Variants in MDM4 observed in about 807,000 individuals in gnomAD.
The protein encoded by MDM4 is protein Mdm4.
MDM4 carries 2 observed loss-of-function variants against 60.2 expected under a neutral mutation model. The ratio of observed to expected loss-of-function variants is 0.03; its 90% CI spans 0.01 to 0.10. MDM4 has a LOEUF of 0.10. Ranked by LOEUF, MDM4 falls within the 10% of genes least tolerant of loss-of-function variation. MDM4 has a pLI of 1.00. For missense variants in MDM4, 447 were observed against 577.5 expected (o/e 0.77, Z 2.32); for synonymous variants, 202 against 198.1 (o/e 1.02, Z -0.17).
rs1158319406 is a variant in MDM4 at position 204,542,956 on chromosome 1, A to G, written c.672+12A>G. On this transcript the variant is annotated intron_variant, in intron 8 of 10. Coordinates refer to ENST00000367182, the MANE Select transcript of MDM4 (RefSeq NM_002393.5). ...TACAGACAAATCAGGTAAATTTCAC[A>G]TTTGAAGGGAAGTGGTTTTTTTTCT... is the stretch of plus-strand genomic sequence containing the variant. 3 of 1,603,662 alleles carry G rather than the reference A, an allele frequency of 1.9e-6. No homozygotes were observed. The highest frequency in any genetic ancestry group is 2.7e-5 in the African/African-American group (2 of 74,424).
Position 204,554,941 on chromosome 1 carries a change from A to G in MDM4, c.*5259A>G, listed in dbSNP as rs1261127594. 4.5e-6 allele frequency: 1 copy of G among 222,524 alleles called. No individual in the cohort carries two copies. The highest frequency in any genetic ancestry group is 9.0e-6 in the Non-Finnish European group (1 of 111,430). 13.8% of individuals were successfully genotyped at this position (222,524 alleles called of 1,614,324 possible). A position where few individuals can be genotyped will look rare whatever the true frequency, so the allele number is the denominator to read the frequency against. On this transcript the variant is annotated 3_prime_UTR_variant, in exon 11 of 11. Coordinates refer to ENST00000367182, the MANE Select transcript of MDM4 (RefSeq NM_002393.5). Reference sequence around the variant, plus strand: ...ATAGTTAAATAAACTGTTACAGTAAATCTACACTTGGATTTGCTGCACCTC... The same window carrying G: ...ATAGTTAAATAAACTGTTACAGTAAGTCTACACTTGGATTTGCTGCACCTC...
At chr1:204,538,057 G>T (rs1424635061) in intron 6 of MDM4, 152 bp from the exon 7 acceptor site, 5 of 768,540 alleles carry the variant, frequency 6.5e-6, no homozygotes, top group Non-Finnish European at 1.2e-5. Flanking sequence ...GAGAGGTGTT[G>T]CCTTTATTTG....
rs1183204414 is a variant in MDM4, at chr1:204,555,033, G to A, written c.*5351G>A. ...AGAGGCATGTCTGCAGAAAGAGATA[G>A]CTAATATTTTTTGGTACTTTATCTG... is the stretch of plus-strand genomic sequence containing the variant. On this transcript the variant is annotated 3_prime_UTR_variant, in exon 11 of 11. Transcript: ENST00000367182. The A allele has an allele frequency of 9.2e-6, 2 of 218,492 alleles. No homozygotes were observed. Among genetic ancestry groups the A allele is most frequent in the African/African-American group, 2.2e-5 (1 of 44,448 alleles). The allele number at this position is 218,492 out of a possible 1,614,324, so 13.5% of individuals were successfully genotyped here.
At chr1:204,519,227 T>C (rs1659304203) in intron 1 of MDM4, among the ~76,000 whole-genome samples, 1 of 152,190 alleles carries the variant, frequency 6.6e-6, no homozygotes, top group Non-Finnish European at 1.5e-5. Context: ...CCTGACACTA[T>C]AGGATTTTTT....
At chr1:204,541,040 G>A (rs1662018471) in intron 7 of MDM4, among the ~76,000 whole-genome samples, 1 of 152,150 alleles carries the variant, frequency 6.6e-6, no homozygotes, top group Non-Finnish European at 1.5e-5. Flanking sequence ...GGTCTACCTA[G>A]TTACTTTGTA....
At chr1:204,537,830 G>A (rs1412560205) in intron 6 of MDM4, 1 of 651,926 alleles carries the variant, frequency 1.5e-6, no homozygotes, top group Non-Finnish European at 2.9e-6. Context: ...TTCATGTCAG[G>A]CCATTTCCTA....
At chr1:204,523,836 G>A (rs1217138645) in intron 1 of MDM4, among the ~76,000 whole-genome samples, 1 of 152,176 alleles carries the variant, frequency 6.6e-6, no homozygotes, top group African/African-American at 2.4e-5. Flanking sequence ...CCTGAACAAG[G>A]GAGGGGAAGG....
At chr1:204,524,845 G>A (rs565017710) in intron 1 of MDM4, among the ~76,000 whole-genome samples, 5 of 152,256 alleles carry the variant, frequency 3.3e-5, no homozygotes, top group African/African-American at 1.2e-4. Context: ...ATAAAAGGTA[G>A]GTGAAAGATT....
chr1:204,547,008 G>A, intron 10 of MDM4, 131 bp downstream of exon 10: 1 of 508,166 alleles, frequency 2.0e-6, no homozygotes, highest in South Asian at 3.5e-5. Context: ...GCTAAGTGAT[G>A]TTGGTTTCTT....
At chr1:204,536,315 T>C (rs1661420347) in intron 5 of MDM4, among the ~76,000 whole-genome samples, 1 of 152,212 alleles carries the variant, frequency 6.6e-6, no homozygotes, top group African/African-American at 2.4e-5. Context: ...TGAAGACCAC[T>C]GTGGTCAGAA....
intron 3 of MDM4, among the ~76,000 whole-genome samples, chr1:204,527,905 A>C (rs1258006976): frequency 1.3e-5 from 2 of 151,564 alleles, no homozygotes; most frequent in African/African-American, 4.8e-5. Flanking sequence ...ACCTATCAAC[A>C]CTGCCACACT....
chr1:204,544,474 G>T, intron 8 of MDM4, 61 bp from the exon 9 acceptor site: 1 of 1,529,150 alleles, frequency 6.5e-7, no homozygotes, highest in Non-Finnish European at 8.9e-7. Flanking sequence ...CATTTGTGTT[G>T]TTTCAACATC....
Position 204,525,484 on chromosome 1 carries a change from T to C in MDM4, c.-35T>C, listed in dbSNP as rs554707773. 1 of 1,578,464 alleles carries C rather than the reference T, an allele frequency of 6.3e-7. No individual in the cohort carries two copies. The highest frequency in any genetic ancestry group is 1.4e-5 in the African/African-American group (1 of 72,626). ...GTTATAAATTTTTTTTTCTATTTAG[T>C]TTTACCAACAGACTGCAGTTTCTTC... is the stretch of plus-strand genomic sequence containing the variant. On this transcript the variant is annotated splice_region_variant and 5_prime_UTR_variant, in exon 2 of 11. Coordinates refer to ENST00000367182, the MANE Select transcript of MDM4 (RefSeq NM_002393.5).
intron 7 of MDM4, among the ~76,000 whole-genome samples, chr1:204,538,706 C>T (rs1375465778): frequency 9.3e-5 from 13 of 139,546 alleles, no homozygotes; most frequent in African/African-American, 3.4e-4. Flanking sequence ...AATTTTCATA[C>T]TTTTTTTTTT....
chr1:204,553,692 C>A lies in MDM4; in HGVS notation c.*4010C>A, dbSNP rs976323256. 4.4e-6 allele frequency: 1 copy of A among 227,446 alleles called. No homozygotes were observed. Among genetic ancestry groups the A allele is most frequent in the Non-Finnish European group, 8.7e-6 (1 of 114,480 alleles). 14.1% of individuals were successfully genotyped at this position (227,446 alleles called of 1,614,324 possible). On this transcript the variant is annotated 3_prime_UTR_variant, in exon 11 of 11. Transcript: ENST00000367182. ...GAGCAGAGATGACAAATCATTAGAA[C>A]AACGATGAATTTCAGTATTACGGCT...
Position 204,551,033 on chromosome 1 carries a change from G to C in MDM4, c.*1351G>C, listed in dbSNP as rs781023562. The C allele has an allele frequency of 2.7e-5, 5 of 187,000 alleles. No homozygotes were observed. The highest frequency in any genetic ancestry group is 6.2e-5 in the Admixed American group (1 of 16,106). The allele number at this position is 187,000 out of a possible 1,614,324, so 11.6% of individuals were successfully genotyped here. ...TCTGGCACAGCCTTCAGAAGCATCA[G>C]TTTTTGTTTTGTTTTGTTTTGTTTT... On this transcript the variant is annotated 3_prime_UTR_variant, in exon 11 of 11. Coordinates refer to ENST00000367182, the MANE Select transcript of MDM4 (RefSeq NM_002393.5).
chr1:204,519,105 AG>A (rs1363354457), intron 1 of MDM4, among the ~76,000 whole-genome samples: 1 of 152,224 alleles, frequency 6.6e-6, no homozygotes, highest in Non-Finnish European at 1.5e-5. Context: ...CTAAAAGATC[AG>A]GGTGGCTGAG....
At position 204,552,552 on chromosome 1, in the gene MDM4, G is replaced by C. The variant is rs1663299144; in HGVS notation, c.*2870G>C. On this transcript the variant is annotated 3_prime_UTR_variant, in exon 11 of 11. Coordinates refer to ENST00000367182, the MANE Select transcript of MDM4 (RefSeq NM_002393.5). ...TTGGCCAGGCTGGTCTCGAACTCCT[G>C]ACCTCATGATCCACACACCTCGGCC... 6.1e-6 allele frequency: 1 copy of C among 164,722 alleles called. No homozygotes were observed. The highest frequency in any genetic ancestry group is 1.3e-5 in the Non-Finnish European group (1 of 75,310). 10.2% of individuals were successfully genotyped at this position (164,722 alleles called of 1,614,324 possible). A position where few individuals can be genotyped will look rare whatever the true frequency, so the allele number is the denominator to read the frequency against.
intron 5 of MDM4, 61 bp downstream of exon 5, chr1:204,532,307 T>C (rs1660938918): frequency 9.3e-7 from 1 of 1,073,680 alleles, no homozygotes; most frequent in Non-Finnish European, 1.4e-6. Context: ...GGGCAAATGA[T>C]GGGAAAACAA....
Sources: allele counts gnomAD v4.1 joint callset (sites outside exome capture counted in the v4.1 genomes callset), GRCh38; gene constraint gnomAD v4.1.1; transcripts MANE v1.5; gene names NCBI Gene and HGNC (gene_info 2026-07-23, HGNC 2026-07-21).